The following LRFN1 variants were observed in gnomAD, a reference collection of about 807,000 sequenced individuals.
LRFN1 encodes leucine-rich repeat and fibronectin type III domain-containing protein 1.
In LRFN1, 20 loss-of-function variants were observed where a neutral mutation model predicts 31.8. That is an observed-to-expected ratio of 0.63 (90% CI 0.44 to 0.91). LRFN1 has a LOEUF of 0.91. Among genes scored for constraint, LRFN1 ranks in the 40% least tolerant of loss-of-function variants. The probability of loss-of-function intolerance (pLI) is 0.00; values close to 1 mark genes in which losing one functional copy is unlikely to be tolerated. For missense variants in LRFN1, 912 were observed against 1,129.8 expected, an observed-to-expected ratio of 0.81 and a Z score of 2.76; for synonymous variants, 514 against 541.3, an observed-to-expected ratio of 0.95 and a Z score of 0.70.
rs763863575 is a variant in LRFN1, at chr19:39,308,411, A to G, written c.1538T>C (p.Val513Ala). 1.1e-4 allele frequency: 183 copies of G among 1,611,260 alleles called. No individual in the cohort carries two copies. Among genetic ancestry groups the G allele is most frequent in the Non-Finnish European group, 1.5e-4 (178 of 1,179,354 alleles). ...CGGATCCCCAGCGGTGGTGAACTGT[A>G]CACAGCCCACCACTCGCGTTGCCGG... is the stretch of plus-strand genomic sequence containing the variant. ...ALPATRVVGC[V>A]QFTTAGDPAP... Residue 513 changes from valine (V) to alanine (A), a missense_variant, in exon 5 of 5, where the codon GTA (valine) becomes GCA (alanine). Physicochemically the swap from Val to Ala is moderately conservative, Grantham distance 64. Around this residue, in one of 2 missense-constraint regions of LRFN1, gnomAD observed 511 missense variants for 557.0 expected, o/e 0.92. Transcript: ENST00000248668. This position sits in a 1 kb window ranked among gnomAD's most constrained non-coding sequence, Gnocchi z 6.2.
At chr19:39,318,085 A>G (rs757491769) in intron 2 of LRFN1, among the ~76,000 whole-genome samples, 7 of 149,966 alleles carry the variant, frequency 4.7e-5, no homozygotes, top group Non-Finnish European at 1.0e-4. Flanking sequence ...TTGGCCTGAA[A>G]CCCCCCACCT....
Position 39,314,605 on chromosome 19 carries a change from CGGG to C in LRFN1, c.729_731del (p.Pro244del). 6.2e-7 allele frequency: 1 copy of C among 1,609,564 alleles called. No homozygotes were observed. The highest frequency in any genetic ancestry group is 2.2e-5 in the East Asian group (1 of 44,638). ...GGTTGCCGCCGAAGCTGACGGTCAG[CGGG>C]GTGGGCGGCTTGGGCCCGGTGCCCT... is the stretch of plus-strand genomic sequence containing the variant. On this transcript the variant is annotated inframe_deletion, in exon 4 of 5. Coordinates refer to ENST00000248668, the MANE Select transcript of LRFN1 (RefSeq NM_020862.2).
intron 4 of LRFN1, among the ~76,000 whole-genome samples, chr19:39,309,499 A>AAAAAAAAAAAAAAAAAAAAG: frequency 6.7e-6 from 1 of 149,806 alleles, no homozygotes; most frequent in African/African-American, 2.5e-5. Flanking sequence ...AAAAAAAAAA[A>AAAAAAAAAAAAAAAAAAAAG]AAAAAAAACC....
At position 39,315,648 on chromosome 19, in the gene LRFN1, G is replaced by C. The variant is rs1321081001; in HGVS notation, c.-37-275C>G. ...AGCCTGGCCAACATGGTGAAACCCCGTCTCTACTAAAAATACAAAAATTAG... is the reference window on the plus strand; with the variant it reads ...AGCCTGGCCAACATGGTGAAACCCCCTCTCTACTAAAAATACAAAAATTAG... On this transcript the variant is annotated intron_variant, in intron 3 of 4. Coordinates refer to ENST00000248668, the MANE Select transcript of LRFN1 (RefSeq NM_020862.2). The surrounding 1 kb of genome is among the most constrained non-coding windows in gnomAD (Gnocchi z 4.7). Among the ~76,000 whole-genome samples, 1 of 151,858 alleles carries C rather than the reference G, an allele frequency of 6.6e-6. No individual in the cohort carries two copies. The highest frequency in any genetic ancestry group is 1.5e-5 in the Non-Finnish European group (1 of 67,956).
chr19:39,315,596 A>G lies in LRFN1; in HGVS notation c.-37-223T>C, dbSNP rs543408713. 7.2e-5 allele frequency among the ~76,000 whole-genome samples: 11 copies of G among 152,288 alleles called. No individual in the cohort carries two copies. The South Asian group carries it at 2.1e-3, about 29-fold the overall frequency. ...CACTTTGGGAGGCCGAGGCAGGCGG[A>G]TCACCTGAGGTCAGGAGTTCAAGAC... On this transcript the variant is annotated intron_variant, in intron 3 of 4. Coordinates refer to ENST00000248668, the MANE Select transcript of LRFN1 (RefSeq NM_020862.2). The surrounding 1 kb of genome is among the most constrained non-coding windows in gnomAD (Gnocchi z 4.7).
chr19:39,307,801 GCTCTGGAATAGTGC>G lies in LRFN1; in HGVS notation c.2134_2147del (p.Ala712ProfsTer243). On this transcript the variant is annotated frameshift_variant, in exon 5 of 5. Transcript: ENST00000248668. LOFTEE classifies it high-confidence loss of function. The surrounding 1 kb of genome is among the most constrained non-coding windows in gnomAD (Gnocchi z 6.7). ...GCCGGGCGCGGCGCGGGTAACTGTG[GCTCTGGAATAGTGC>G]CCCGTAGTCCCCGTCGAACGAATAG... 1 of 1,486,340 alleles carries G rather than the reference GCTCTGGAATAGTGC, an allele frequency of 6.7e-7. No individual in the cohort carries two copies. The highest frequency in any genetic ancestry group is 8.9e-7 in the Non-Finnish European group (1 of 1,125,314). 92.1% of individuals were successfully genotyped at this position (1,486,340 alleles called of 1,614,324 possible). A position where few individuals can be genotyped will look rare whatever the true frequency, so the allele number is the denominator to read the frequency against.
chr19:39,307,592 T>C lies in LRFN1; in HGVS notation c.*41A>G, dbSNP rs746807696. 2.8e-5 allele frequency: 38 copies of C among 1,368,718 alleles called. No homozygotes were observed. Among genetic ancestry groups the C allele is most frequent in the Non-Finnish European group, 3.5e-5 (37 of 1,067,688 alleles). 84.8% of individuals were successfully genotyped at this position (1,368,718 alleles called of 1,614,324 possible). On this transcript the variant is annotated 3_prime_UTR_variant, in exon 5 of 5. Coordinates refer to ENST00000248668, the MANE Select transcript of LRFN1 (RefSeq NM_020862.2). The surrounding 1 kb of genome is among the most constrained non-coding windows in gnomAD (Gnocchi z 6.7). ...CCCCAGCGTCCGTGCGGCTGGGCGT[T>C]TGGTCTGCGGCACCCAGGCGTCCCG... is the stretch of plus-strand genomic sequence containing the variant.
In LRFN1 at chr19:39,307,138, A is replaced by G. The variant is rs1284171145; in HGVS notation, c.*495T>C. On this transcript the variant is annotated 3_prime_UTR_variant, in exon 5 of 5. Coordinates refer to ENST00000248668, the MANE Select transcript of LRFN1 (RefSeq NM_020862.2). The surrounding 1 kb of genome is among the most constrained non-coding windows in gnomAD (Gnocchi z 6.7). ...GGGAAACAGAGAAAGGGGGACCCCAAGCCAGACCCGACCGGACCAGGAATG... is the reference window on the plus strand; with the variant it reads ...GGGAAACAGAGAAAGGGGGACCCCAGGCCAGACCCGACCGGACCAGGAATG... The G allele has an allele frequency of 2.5e-6, 1 of 397,028 alleles. No homozygotes were observed. Among genetic ancestry groups the G allele is most frequent in the East Asian group, 3.6e-5 (1 of 28,000 alleles). The allele number at this position is 397,028 out of a possible 1,614,324, so 24.6% of individuals were successfully genotyped here. A position where few individuals can be genotyped will look rare whatever the true frequency, so the allele number is the denominator to read the frequency against.
Position 39,308,568 on chromosome 19 carries a change from G to T in LRFN1, c.1407-26C>A. The T allele has an allele frequency of 3.2e-6, 5 of 1,553,170 alleles. No individual in the cohort carries two copies. Among genetic ancestry groups the T allele is most frequent in the South Asian group, 1.2e-5 (1 of 83,708 alleles). ...CTGTAGGAGGGGGCGGGTTCAGGGCGGGGTTAGTCCCCCCGAACCACGCCC... is the reference window on the plus strand; with the variant it reads ...CTGTAGGAGGGGGCGGGTTCAGGGCTGGGTTAGTCCCCCCGAACCACGCCC... On this transcript the variant is annotated intron_variant, in intron 4 of 4. Transcript: ENST00000248668. This position sits in a 1 kb window ranked among gnomAD's most constrained non-coding sequence, Gnocchi z 6.2.
intron 4 of LRFN1, among the ~76,000 whole-genome samples, chr19:39,309,560 G>T (rs2075143951): frequency 7.4e-6 from 1 of 134,906 alleles, no homozygotes; most frequent in African/African-American, 3.0e-5. Flanking sequence ...TTAACTACAT[G>T]TTCCCTGACA....
In LRFN1 at chr19:39,315,248, C is replaced by A. The variant is rs935864957; in HGVS notation, c.89G>T (p.Arg30Leu). 23 of 1,548,510 alleles carry A rather than the reference C, an allele frequency of 1.5e-5. No homozygotes were observed. The highest frequency in any genetic ancestry group is 1.9e-5 in the Admixed American group (1 of 53,182). Residue 30 changes from arginine (R) to leucine (L), a missense_variant, in exon 4 of 5, where the codon CGT becomes CTT. Physicochemically the swap from Arg to Leu is moderately radical, Grantham distance 102 (BLOSUM62 -2). Transcript: ENST00000248668. This position sits in a 1 kb window ranked among gnomAD's most constrained non-coding sequence, Gnocchi z 4.7. Reference protein sequence around the residue: ...FLLLLWAGASRGQPCPGRCIC... With the variant: ...FLLLLWAGASLGQPCPGRCIC... ...GCAGCGGCCGGGGCAGGGCTGGCCA[C>A]GAGATGCCCCCGCCCAGAGCAGCAG...
Position 39,314,439 on chromosome 19 carries a change from G to T in LRFN1, c.898C>A (p.Leu300Met), listed in dbSNP as rs1309493525. The change falls in exon 4 of 5, where the codon CTG (leucine) becomes ATG (methionine). Residue 300 changes from leucine (L) to methionine (M), a missense_variant. Physicochemically the swap from Leu to Met is conservative, Grantham distance 15. Coordinates refer to ENST00000248668, the MANE Select transcript of LRFN1 (RefSeq NM_020862.2). ...PEEEFLCEPP[L>M]ITRQAGGRAL... ...CGGCCCCCCGCCTGCCGTGTGATCA[G>T]CGGGGGCTCACACAGGAACTCCTCC... The T allele has an allele frequency of 6.2e-7, 1 of 1,609,230 alleles. No individual in the cohort carries two copies. The highest frequency in any genetic ancestry group is 8.5e-7 in the Non-Finnish European group (1 of 1,178,832).
chr19:39,307,754 G>T lies in LRFN1; in HGVS notation c.2195C>A (p.Thr732Lys). The T allele has an allele frequency of 6.7e-7, 1 of 1,489,366 alleles. No homozygotes were observed. 92.3% of individuals were successfully genotyped at this position (1,489,366 alleles called of 1,614,324 possible). ...CCCTCCAGCCCCGTCCAGGTGCGGC[G>T]TGGACCGGTGGCGCTTTGTCCGCCG... ...RARRTKRHRS[T>K]PHLDGAGGGA... The change falls in exon 5 of 5, where the codon ACG becomes AAG. Residue 732 changes from threonine to lysine, a missense_variant. Thr to Lys is a moderately conservative substitution (Grantham distance 78). Around this residue, in one of 2 missense-constraint regions of LRFN1, gnomAD observed 511 missense variants for 557.0 expected, o/e 0.92. Coordinates refer to ENST00000248668, the MANE Select transcript of LRFN1 (RefSeq NM_020862.2). This position sits in a 1 kb window ranked among gnomAD's most constrained non-coding sequence, Gnocchi z 6.7.
chr19:39,309,855 G>A (rs1289195537), intron 4 of LRFN1, among the ~76,000 whole-genome samples: 1 of 152,218 alleles, frequency 6.6e-6, no homozygotes, highest in Non-Finnish European at 1.5e-5. Context: ...GACTAGTGTA[G>A]AGAAGTGGTT....
Position 39,314,281 on chromosome 19 carries a change from G to C in LRFN1, c.1056C>G (p.Asp352Glu), listed in dbSNP as rs751432848. Residue 352 changes from aspartate (D) to glutamate (E), a missense_variant, in exon 4 of 5, where the codon GAC (aspartate) becomes GAG (glutamate). Coordinates refer to ENST00000248668, the MANE Select transcript of LRFN1 (RefSeq NM_020862.2). ...GNSSRTRVRG[D>E]GTLDVTITTL... ...TGGTGATGGTCACATCCAGCGTCCC[G>C]TCCCCCCGGACCCGGGTCCGGCTGG... 1.2e-6 allele frequency: 2 copies of C among 1,612,086 alleles called. No homozygotes were observed. Among genetic ancestry groups the C allele is most frequent in the Non-Finnish European group, 1.7e-6 (2 of 1,179,262 alleles).
At position 39,307,824 on chromosome 19, in the gene LRFN1, C is replaced by G. The variant is rs2075134740; in HGVS notation, c.2125G>C (p.Asp709His). ...RPQQRYSFDGDYGALFQSHSY... is the reference protein window; with the variant it reads ...RPQQRYSFDGHYGALFQSHSY... ...TGGCTCTGGAATAGTGCCCCGTAGT[C>G]CCCGTCGAACGAATAGCGCTGCTGC... is the stretch of plus-strand genomic sequence containing the variant. The change falls in exon 5 of 5, where the codon GAC becomes CAC. Residue 709 changes from aspartate (D) to histidine (H), a missense_variant. Coordinates refer to ENST00000248668, the MANE Select transcript of LRFN1 (RefSeq NM_020862.2). This position sits in a 1 kb window ranked among gnomAD's most constrained non-coding sequence, Gnocchi z 6.7. 6.7e-7 allele frequency: 1 copy of G among 1,493,832 alleles called. No homozygotes were observed. The highest frequency in any genetic ancestry group is 8.9e-7 in the Non-Finnish European group (1 of 1,128,066). 92.5% of individuals were successfully genotyped at this position (1,493,832 alleles called of 1,614,324 possible).
Position 39,307,618 on chromosome 19 carries a change from G to C in LRFN1, c.*15C>G. 7.2e-7 allele frequency: 1 copy of C among 1,384,250 alleles called. No homozygotes were observed. Among genetic ancestry groups the C allele is most frequent in the Non-Finnish European group, 9.3e-7 (1 of 1,076,718 alleles). 85.7% of individuals were successfully genotyped at this position (1,384,250 alleles called of 1,614,324 possible). A position where few individuals can be genotyped will look rare whatever the true frequency, so the allele number is the denominator to read the frequency against. On this transcript the variant is annotated 3_prime_UTR_variant, in exon 5 of 5. Coordinates refer to ENST00000248668, the MANE Select transcript of LRFN1 (RefSeq NM_020862.2). This position sits in a 1 kb window ranked among gnomAD's most constrained non-coding sequence, Gnocchi z 6.7. ...TGGTCTGCGGCACCCAGGCGTCCCG[G>C]CGCCCGCCCGCCGCTCACACGGTAC...
Position 39,314,119 on chromosome 19 carries a change from G to A in LRFN1, c.1218C>T (p.Pro406=), listed in dbSNP as rs1422723422. 2 of 1,612,240 alleles carry A rather than the reference G, an allele frequency of 1.2e-6. No individual in the cohort carries two copies. Among genetic ancestry groups the A allele is most frequent in the Non-Finnish European group, 1.7e-6 (2 of 1,179,216 alleles). ...PPAAPPPLTE[P]GSSDIATPGR... ...CCGGCGTGGCGATGTCAGAGGAGCC[G>A]GGCTCGGTGAGAGGCGGCGGGGCAG... The change falls in exon 4 of 5, where the codon CCC becomes CCT. Residue 406 remains proline, a synonymous_variant. Transcript: ENST00000248668.
intron 4 of LRFN1, among the ~76,000 whole-genome samples, chr19:39,312,192 C>T (rs2075153079): frequency 6.6e-6 from 1 of 151,762 alleles, no homozygotes; most frequent in African/African-American, 2.4e-5. Flanking sequence ...TTTCATTCAA[C>T]CAACACTGGG....
Sources: allele counts gnomAD v4.1 joint callset (sites outside exome capture counted in the v4.1 genomes callset), GRCh38; gene constraint gnomAD v4.1.1; regional missense constraint gnomAD v4.1.1; non-coding constraint Gnocchi (gnomAD v3.1); transcripts MANE v1.5; gene names NCBI Gene and HGNC (gene_info 2026-07-23, HGNC 2026-07-21).